Variants in CHCHD6 observed in about 807,000 individuals in gnomAD.
CHCHD6 encodes MICOS complex subunit MIC25.
CHCHD6 carries 28 observed loss-of-function variants against 32.3 expected under a neutral mutation model. That is an observed-to-expected ratio of 0.87 (90% CI 0.64 to 1.19). The LOEUF (loss-of-function observed/expected upper bound fraction) is 1.19. Ranked by LOEUF, CHCHD6 falls within the 50% of genes most tolerant of loss-of-function variation. The pLI is 0.00. For synonymous variants in CHCHD6, 122 were observed against 117.5 expected, an observed-to-expected ratio of 1.04 and a Z score of -0.25; for missense variants, 333 against 307.0, an observed-to-expected ratio of 1.08 and a Z score of -0.63.
intron 5 of CHCHD6, among the ~76,000 whole-genome samples, chr3:126,878,624 A>G (rs1028270105): frequency 2.0e-5 from 3 of 152,282 alleles, no homozygotes; most frequent in African/African-American, 7.2e-5. Context: ...AAGAATGCCA[A>G]CTAGTAAGTA....
At chr3:126,754,288 C>G (rs1044592233) in intron 4 of CHCHD6, among the ~76,000 whole-genome samples, 1 of 152,212 alleles carries the variant, frequency 6.6e-6, no homozygotes, top group Non-Finnish European at 1.5e-5. Context: ...AGGGTTGTTG[C>G]AAGGATCAAG....
intron 4 of CHCHD6, among the ~76,000 whole-genome samples, chr3:126,743,136 A>G (rs1221262912): frequency 6.6e-6 from 1 of 152,154 alleles, no homozygotes; most frequent in Non-Finnish European, 1.5e-5. Flanking sequence ...CTTTAAAGAA[A>G]GCTGTTACTC....
intron 5 of CHCHD6, among the ~76,000 whole-genome samples, chr3:126,867,674 G>C (rs897364848): frequency 2.0e-5 from 3 of 152,160 alleles, no homozygotes; most frequent in South Asian, 2.1e-4. Flanking sequence ...GCTGAGAAAG[G>C]CAATCTGATA....
chr3:126,733,047 A>T, intron 3 of CHCHD6, 31 bp from the exon 4 acceptor site: 2 of 1,610,686 alleles, frequency 1.2e-6, no homozygotes, highest in Non-Finnish European at 1.7e-6. Context: ...TGCCATCCAC[A>T]TCTGTTTCTC....
chr3:126,721,010 T>A (rs752390525), intron 1 of CHCHD6, among the ~76,000 whole-genome samples: 1 of 152,246 alleles, frequency 6.6e-6, no homozygotes, highest in Non-Finnish European at 1.5e-5. Flanking sequence ...CTTCTTAGAA[T>A]AATTTTCTTA....
intron 4 of CHCHD6, among the ~76,000 whole-genome samples, chr3:126,841,669 G>A (rs1482873475): frequency 6.6e-6 from 1 of 152,082 alleles, no homozygotes; most frequent in Non-Finnish European, 1.5e-5. Flanking sequence ...ACTTTGGGAG[G>A]CCAAGGTGGG....
intron 4 of CHCHD6, among the ~76,000 whole-genome samples, chr3:126,793,279 C>T (rs1938636113): frequency 6.6e-6 from 1 of 152,078 alleles, no homozygotes; most frequent in Non-Finnish European, 1.5e-5. Context: ...TATGCTTCTA[C>T]TGTTTTTTAT....
intron 4 of CHCHD6, chr3:126,766,614 A>G (rs1344667260): frequency 4.6e-6 from 5 of 1,095,248 alleles, no homozygotes; most frequent in Non-Finnish European, 7.0e-6. Context: ...CCCTTAGCCC[A>G]GTTCCCCGAA....
chr3:126,910,925 A>G (rs1321909538), intron 5 of CHCHD6, among the ~76,000 whole-genome samples: 1 of 152,144 alleles, frequency 6.6e-6, no homozygotes, highest in Non-Finnish European at 1.5e-5. Flanking sequence ...CCTGACAAGG[A>G]CGGGGTGCAC....
chr3:126,827,754 A>C (rs1174525981), intron 4 of CHCHD6, among the ~76,000 whole-genome samples: 13 of 152,186 alleles, frequency 8.5e-5, no homozygotes, highest in Non-Finnish European at 2.9e-5. Context: ...TTGTGCTGTT[A>C]ATTGAGCCTG....
intron 4 of CHCHD6, among the ~76,000 whole-genome samples, chr3:126,780,673 T>TGTG (rs1289414270): frequency 2.0e-5 from 3 of 152,186 alleles, no homozygotes; most frequent in Non-Finnish European, 4.4e-5. Flanking sequence ...ATCCTACCTC[T>TGTG]GTGGTGCTGT....
chr3:126,901,650 A>G (rs538458648), intron 5 of CHCHD6, among the ~76,000 whole-genome samples: 1 of 152,368 alleles, frequency 6.6e-6, no homozygotes, highest in Admixed American at 6.5e-5. Flanking sequence ...CTCAGACTAC[A>G]TCTTAGACTT....
chr3:126,805,044 C>T (rs1270070550), intron 4 of CHCHD6, among the ~76,000 whole-genome samples: 5 of 152,092 alleles, frequency 3.3e-5, no homozygotes, highest in South Asian at 2.1e-4. Context: ...ATTGATGGGA[C>T]GTATCTCAAA....
chr3:126,766,688 A>G (rs1937382709), intron 4 of CHCHD6: 1 of 1,107,100 alleles, frequency 9.0e-7, no homozygotes, highest in Non-Finnish European at 1.4e-6. Context: ...CTCTTCCCAC[A>G]AGCCAGGCTC....
At chr3:126,797,170 G>T (rs1938833141) in intron 4 of CHCHD6, among the ~76,000 whole-genome samples, 1 of 152,166 alleles carries the variant, frequency 6.6e-6, no homozygotes, top group Non-Finnish European at 1.5e-5. Context: ...AGGCTCTCTA[G>T]CCCGGCGAGC....
At chr3:126,733,534 G>A (rs11706866) in intron 4 of CHCHD6, among the ~76,000 whole-genome samples, 13,864 of 152,266 alleles carry the variant, frequency 0.091, 814 homozygotes, top group Middle Eastern at 0.21. Context: ...CAGATGTCAG[G>A]GCTGCAGTGG....
chr3:126,704,928 C>T (rs925253238), intron 1 of CHCHD6, among the ~76,000 whole-genome samples: 8 of 152,128 alleles, frequency 5.3e-5, no homozygotes, highest in Non-Finnish European at 1.2e-4. Flanking sequence ...TGATGCCTTC[C>T]CTGGTTCCAA....
At chr3:126,779,923 A>G (rs1937850761) in intron 4 of CHCHD6, among the ~76,000 whole-genome samples, 1 of 152,188 alleles carries the variant, frequency 6.6e-6, no homozygotes, top group Non-Finnish European at 1.5e-5. Flanking sequence ...CTCAGTATCT[A>G]CTATATACTG....
intron 4 of CHCHD6, among the ~76,000 whole-genome samples, chr3:126,794,198 C>T (rs1188905610): frequency 1.3e-5 from 2 of 151,746 alleles, no homozygotes; most frequent in Non-Finnish European, 2.9e-5. Flanking sequence ...TCATACGTTT[C>T]TCCTTTCCTC....
Sources: allele counts gnomAD v4.1 joint callset (sites outside exome capture counted in the v4.1 genomes callset), GRCh38; gene constraint gnomAD v4.1.1; transcripts MANE v1.5; gene names NCBI Gene and HGNC (gene_info 2026-07-23, HGNC 2026-07-21).